Variants in TBC1D8 observed in about 807,000 individuals in gnomAD.
TBC1D8 encodes the protein TBC1 domain family member 8, also known as BUB2-like protein 1.
A neutral mutation model predicts 118.8 loss-of-function variants in TBC1D8; 65 were observed. That is an observed-to-expected ratio of 0.55 (90% CI 0.45 to 0.67). TBC1D8 has a LOEUF of 0.67. TBC1D8 is among the 30% of genes least tolerant of loss of function. TBC1D8 has a pLI of 0.00. For synonymous variants in TBC1D8, 566 were observed against 595.8 expected, an observed-to-expected ratio of 0.95 and a Z score of 0.73; for missense variants, 1,376 against 1,471.2, an observed-to-expected ratio of 0.94 and a Z score of 1.06.
intron 19 of TBC1D8, among the ~76,000 whole-genome samples, chr2:101,009,406 C>CAA (rs70943054): frequency 4.7e-4 from 46 of 97,760 alleles, no homozygotes; most frequent in African/African-American, 1.1e-3. Flanking sequence ...ACTCTGTCTC[C>CAA]AAAAAAAAAA....
At chr2:101,116,574 A>G (rs188429195) in intron 1 of TBC1D8, among the ~76,000 whole-genome samples, 1 of 152,178 alleles carries the variant, frequency 6.6e-6, no homozygotes, top group East Asian at 1.9e-4. Context: ...ATACCTCAGA[A>G]TGTTACCTTA....
chr2:101,125,418 C>G (rs980956392), intron 1 of TBC1D8, among the ~76,000 whole-genome samples: 1 of 152,200 alleles, frequency 6.6e-6, no homozygotes, highest in East Asian at 1.9e-4. Context: ...CAGACATTCA[C>G]TCACACACAG....
At chr2:101,030,219 C>A (rs893076751) in intron 11 of TBC1D8, among the ~76,000 whole-genome samples, 4 of 152,144 alleles carry the variant, frequency 2.6e-5, no homozygotes, top group African/African-American at 7.2e-5. Context: ...CTCTAAAAGA[C>A]ACCATTAATA....
intron 17 of TBC1D8, 83 bp downstream of exon 17, chr2:101,021,598 G>A: frequency 1.0e-6 from 1 of 976,494 alleles, no homozygotes; most frequent in Non-Finnish European, 1.5e-6. Context: ...ACTTTAAAAA[G>A]AGAAGAGCTT....
At chr2:101,053,041 A>G (rs906709892) in intron 4 of TBC1D8, among the ~76,000 whole-genome samples, 7 of 152,256 alleles carry the variant, frequency 4.6e-5, no homozygotes, top group Non-Finnish European at 1.0e-4. Flanking sequence ...GAAAACAGAC[A>G]TGCATATTAG....
chr2:101,036,345 G>A (rs1241079029), intron 8 of TBC1D8, among the ~76,000 whole-genome samples, 177 bp from the exon 9 acceptor site: 1 of 152,182 alleles, frequency 6.6e-6, no homozygotes, highest in Non-Finnish European at 1.5e-5. Context: ...TGGGGGCACA[G>A]AGGATGCAAA....
chr2:101,128,075 A>C (rs1184663851), intron 1 of TBC1D8, among the ~76,000 whole-genome samples: 3 of 152,220 alleles, frequency 2.0e-5, no homozygotes, highest in Non-Finnish European at 2.9e-5. Flanking sequence ...ATTCAGGTTA[A>C]TAAGGACAAG....
intron 1 of TBC1D8, chr2:101,109,703 G>T: frequency 1.4e-6 from 1 of 723,214 alleles, no homozygotes; most frequent in Non-Finnish European, 1.7e-6. Context: ...AGCAGCTGAG[G>T]CCCTGAGCAC....
rs7579835 is a variant in TBC1D8 at position 101,069,956 on chromosome 2, C to T, written c.284-10417G>A. On this transcript the variant is annotated intron_variant, in intron 2 of 19. Transcript: ENST00000409318. The stretch of plus-strand genomic sequence containing the variant: ...TTCACACGGAATTTTGCTCTTGTTG[C>T]CCAGGCTGGAGTGCAATAGCGTGAT... Among the ~76,000 whole-genome samples the T allele has an allele frequency of 9.6e-3, 1,449 of 151,314 alleles. 22 individuals are homozygous for T. The highest frequency in any genetic ancestry group is 0.033 in the African/African-American group (1,363 of 41,236).
chr2:101,038,643 C>G lies in TBC1D8; in HGVS notation c.1093G>C (p.Glu365Gln). ...AGCAGGCTCGTGTCCTCCATCTTCT[C>G]GATGCTCACCACCTGCGCGAGAGGC... ...ILPLREVVSI[E>Q]KMEDTSLLPH... The change falls in exon 7 of 20, where the codon GAG becomes CAG. Residue 365 changes from glutamate to glutamine, a missense_variant. Glu to Gln is a conservative substitution (Grantham distance 29). Coordinates refer to ENST00000409318, the MANE Select transcript of TBC1D8 (RefSeq NM_001330348.2). The G allele has an allele frequency of 1.9e-6, 3 of 1,613,924 alleles. No individual in the cohort carries two copies. The highest frequency in any genetic ancestry group is 2.5e-6 in the Non-Finnish European group (3 of 1,179,984).
intron 15 of TBC1D8, 83 bp from the exon 16 acceptor site, chr2:101,022,604 T>G (rs199913010): frequency 1.4e-6 from 2 of 1,446,084 alleles, no homozygotes; most frequent in African/African-American, 1.8e-5. Flanking sequence ...AATAATAAAT[T>G]ACTCACAATC....
intron 1 of TBC1D8, among the ~76,000 whole-genome samples, chr2:101,105,472 C>G (rs2105473692): frequency 6.6e-6 from 1 of 151,508 alleles, no homozygotes; most frequent in African/African-American, 2.4e-5. Context: ...GCCTGTAATC[C>G]CAGTTACTCC....
chr2:101,124,817 T>C (rs780541942), intron 1 of TBC1D8, among the ~76,000 whole-genome samples: 1 of 152,160 alleles, frequency 6.6e-6, no homozygotes, highest in Non-Finnish European at 1.5e-5. Context: ...CAGAGAGTGA[T>C]GAAGAGGCTG....
intron 1 of TBC1D8, among the ~76,000 whole-genome samples, chr2:101,141,131 C>G (rs1440678149): frequency 6.6e-6 from 1 of 152,024 alleles, no homozygotes; most frequent in Non-Finnish European, 1.5e-5. Flanking sequence ...CTCCCTTTCA[C>G]TGACTACCAC....
intron 15 of TBC1D8, among the ~76,000 whole-genome samples, chr2:101,024,736 C>T (rs1336692233): frequency 2.0e-5 from 3 of 152,072 alleles, no homozygotes; most frequent in Non-Finnish European, 2.9e-5. Flanking sequence ...ATTAAAAAAG[C>T]TTTAGCAGTA....
intron 2 of TBC1D8, among the ~76,000 whole-genome samples, chr2:101,086,835 G>T (rs1675662727): frequency 6.6e-6 from 1 of 152,154 alleles, no homozygotes; most frequent in South Asian, 2.1e-4. Context: ...GTCCAGGCTG[G>T]AGTGTAATGG....
chr2:101,010,895 A>G (rs1679158817), intron 19 of TBC1D8, 34 bp downstream of exon 19: 2 of 1,573,600 alleles, frequency 1.3e-6, no homozygotes, highest in Admixed American at 1.8e-5. Context: ...AAAAAAAAAA[A>G]AAGTTAATTC....
intron 1 of TBC1D8, among the ~76,000 whole-genome samples, chr2:101,139,393 G>C (rs1438149786): frequency 6.7e-6 from 1 of 150,010 alleles, no homozygotes; most frequent in Non-Finnish European, 1.5e-5. Context: ...CTACTTCCTC[G>C]CCACCCTCCA....
At chr2:101,044,727 G>A (rs1681593858) in intron 5 of TBC1D8, among the ~76,000 whole-genome samples, 1 of 152,144 alleles carries the variant, frequency 6.6e-6, no homozygotes, top group African/African-American at 2.4e-5. Context: ...GCTAAGACTA[G>A]TGGGAGAAAG....
Sources: gnomAD v4.1 joint callset for allele counts (sites outside exome capture counted in the v4.1 genomes callset) on GRCh38, gnomAD v4.1.1 for gene constraint, MANE v1.5 for transcripts, NCBI Gene and HGNC (gene_info 2026-07-23, HGNC 2026-07-21) for gene names.